The following SFMBT2 variants were observed in gnomAD, a reference collection of about 807,000 sequenced individuals.
SFMBT2 encodes the protein scm-like with four MBT domains protein 2.
Under a neutral mutation model 110.1 loss-of-function variants are expected in SFMBT2, and 38 were observed. The observed-to-expected ratio is 0.35, with a 90% CI of 0.27 to 0.45. The LOEUF is 0.45. Among genes scored for constraint, SFMBT2 ranks in the 20% least tolerant of loss-of-function variants. SFMBT2 has a pLI of 1.00. For missense variants in SFMBT2, 1,011 were observed against 1,094.9 expected, an observed-to-expected ratio of 0.92 and a Z score of 1.08; for synonymous variants, 425 against 425.4, an observed-to-expected ratio of 1.00 and a Z score of 0.01.
chr10:7,322,865 C>T (rs1358723252), intron 4 of SFMBT2, among the ~76,000 whole-genome samples: 2 of 152,174 alleles, frequency 1.3e-5, no homozygotes, highest in South Asian at 4.1e-4. Context: ...TTACTGCATG[C>T]TGCTGGCTAG....
intron 15 of SFMBT2, among the ~76,000 whole-genome samples, chr10:7,191,043 C>T (rs1211112519): frequency 6.6e-6 from 1 of 150,748 alleles, no homozygotes; most frequent in Non-Finnish European, 1.5e-5. Flanking sequence ...CTTTTGCCGT[C>T]TGCCATGATT....
intron 4 of SFMBT2, among the ~76,000 whole-genome samples, chr10:7,342,468 G>A (rs1224519112): frequency 6.9e-6 from 1 of 144,720 alleles, no homozygotes; most frequent in Non-Finnish European, 1.5e-5. Context: ...GAGTGCAGTG[G>A]TGCAATCTCG....
chr10:7,204,276 T>C, intron 12 of SFMBT2: 1 of 904,376 alleles, frequency 1.1e-6, no homozygotes. Context: ...GCCCTGAAAC[T>C]CTGTCGCCAT....
rs993317640 is a variant in SFMBT2 at position 7,170,873 on chromosome 10, T to C, written c.2544+55A>G. ...GAAGCCGGCTAGGACACGAGGTTCA[T>C]TTCAGATGCAGAGTCTCAGCACATC... On this transcript the variant is annotated intron_variant, in intron 20 of 20. Transcript: ENST00000397167. The surrounding 1 kb of genome is among the most constrained non-coding windows in gnomAD (Gnocchi z 4.6). 5 of 1,610,442 alleles carry C rather than the reference T, an allele frequency of 3.1e-6. No individual in the cohort carries two copies. The African/African-American group carries it at 4.0e-5, about 13-fold the overall frequency.
chr10:7,213,360 G>A (rs538673760), intron 11 of SFMBT2, among the ~76,000 whole-genome samples: 18 of 152,316 alleles, frequency 1.2e-4, no homozygotes, highest in African/African-American at 4.1e-4. Context: ...GAGACAGCAG[G>A]TAGGAGGCGG....
At chr10:7,212,436 A>C (rs186594428) in intron 11 of SFMBT2, among the ~76,000 whole-genome samples, 422 of 152,344 alleles carry the variant, frequency 2.8e-3, no homozygotes, top group Admixed American at 5.2e-3. Flanking sequence ...AGAGGAACAG[A>C]GCCCTGTGGG....
At chr10:7,394,508 C>G (rs1161497684) in intron 1 of SFMBT2, among the ~76,000 whole-genome samples, 5 of 150,770 alleles carry the variant, frequency 3.3e-5, no homozygotes, top group Admixed American at 1.3e-4. Flanking sequence ...CACATGACCC[C>G]CACCCCCCAA....
chr10:7,206,956 T>C (rs776713920), intron 11 of SFMBT2: 442 of 985,110 alleles, frequency 4.5e-4, no homozygotes, highest in Non-Finnish European at 5.0e-4. Context: ...CCGGGTGTGG[T>C]GGCTCATGAC....
chr10:7,351,996 A>G (rs1267874332), intron 4 of SFMBT2, among the ~76,000 whole-genome samples: 2 of 152,106 alleles, frequency 1.3e-5, no homozygotes, highest in Non-Finnish European at 2.9e-5. Context: ...AGATGAGGAC[A>G]GTGTGATGCA....
chr10:7,300,788 G>C (rs900165740), intron 4 of SFMBT2, among the ~76,000 whole-genome samples: 1 of 152,184 alleles, frequency 6.6e-6, no homozygotes, highest in Non-Finnish European at 1.5e-5. Context: ...TTTATATTTA[G>C]TGAGTTAGAG....
chr10:7,200,974 A>C, intron 13 of SFMBT2: 1 of 384,170 alleles, frequency 2.6e-6, no homozygotes, highest in Non-Finnish European at 3.6e-6. Context: ...ATAAACTGGC[A>C]TATCTTAAAA....
intron 10 of SFMBT2, 68 bp from the exon 11 acceptor site, chr10:7,220,605 A>C: frequency 6.4e-7 from 1 of 1,559,164 alleles, no homozygotes. Flanking sequence ...GCAGATGAAG[A>C]AAGAGAAAGA....
chr10:7,163,123 C>CAACA lies in SFMBT2; in HGVS notation c.*643_*646dup, dbSNP rs59930811. 5,763 of 160,556 alleles carry CAACA rather than the reference C, an allele frequency of 0.036. 224 individuals carry two copies. Among genetic ancestry groups the CAACA allele is most frequent in the African/African-American group, 0.1 (4,146 of 41,080 alleles). 9.9% of individuals were successfully genotyped at this position (160,556 alleles called of 1,614,324 possible). On this transcript the variant is annotated 3_prime_UTR_variant, in exon 21 of 21. Coordinates refer to ENST00000397167, the MANE Select transcript of SFMBT2 (RefSeq NM_001387889.1). This position sits in a 1 kb window ranked among gnomAD's most constrained non-coding sequence, Gnocchi z 4.8. ...GTCTCAAAAAACACAACAAAATGAA[C>CAACA]AACAAACAAACAAACAAACAAACAA... is the stretch of plus-strand genomic sequence containing the variant.
Position 7,243,584 on chromosome 10 carries a change from T to G in SFMBT2, c.1094A>C (p.Asn365Thr). ...GILPVQWCLK[N>T]GVSLTPPKGY... Reference sequence around the variant, plus strand: ...TTTGGGAGGAGTGAGGCTGACTCCATTTTTAAGGCACCACTGTACTGGCAA... The same window carrying G: ...TTTGGGAGGAGTGAGGCTGACTCCAGTTTTAAGGCACCACTGTACTGGCAA... The change falls in exon 9 of 21, where the codon AAT (asparagine) becomes ACT (threonine). Residue 365 changes from asparagine to threonine, a missense_variant. By Grantham distance (65) the Asn-to-Thr change is moderately conservative. Around this residue, in one of 2 missense-constraint regions of SFMBT2, gnomAD observed 979 missense variants for 1,016.1 expected, o/e 0.96. Coordinates refer to ENST00000397167, the MANE Select transcript of SFMBT2 (RefSeq NM_001387889.1). The G allele has an allele frequency of 1.1e-6, 1 of 872,874 alleles. No homozygotes were observed. The highest frequency in any genetic ancestry group is 2.2e-4 in the Middle Eastern group (1 of 4,610). 54.1% of individuals were successfully genotyped at this position (872,874 alleles called of 1,614,324 possible).
Position 7,184,467 on chromosome 10 carries a change from C to A in SFMBT2, c.1808+4157G>T, listed in dbSNP as rs181110346. Among the ~76,000 whole-genome samples, 148 of 152,310 alleles carry A rather than the reference C, an allele frequency of 9.7e-4. 1 individual carries two copies. The highest frequency in any genetic ancestry group is 3.4e-3 in the African/African-American group (140 of 41,564). On this transcript the variant is annotated intron_variant, in intron 16 of 20. Transcript: ENST00000397167. ...ATGAGGCCTCCCCAGCCACGTGGAACTGTGAGTCCATTTAACCTTTTTTTC... is the reference window on the plus strand; with the variant it reads ...ATGAGGCCTCCCCAGCCACGTGGAAATGTGAGTCCATTTAACCTTTTTTTC...
chr10:7,175,929 C>A, intron 17 of SFMBT2, 61 bp downstream of exon 17: 1 of 1,483,464 alleles, frequency 6.7e-7, no homozygotes, highest in Non-Finnish European at 9.2e-7. Flanking sequence ...AAACCAAATA[C>A]CTTAGAGTGC....
rs373771287 is a variant in SFMBT2 at position 7,171,881 on chromosome 10, C to T, written c.2415+14G>A. On this transcript the variant is annotated intron_variant, in intron 19 of 20. Transcript: ENST00000397167. The surrounding 1 kb of genome is among the most constrained non-coding windows in gnomAD (Gnocchi z 4.9). ...CCCAGCGGGAAGCCCTCTGTCCCCACGCCCGGGCATCACCTCTGTCCCCTC... is the reference window on the plus strand; with the variant it reads ...CCCAGCGGGAAGCCCTCTGTCCCCATGCCCGGGCATCACCTCTGTCCCCTC... 77 of 1,411,030 alleles carry T rather than the reference C, an allele frequency of 5.5e-5. No individual in the cohort carries two copies. The highest frequency in any genetic ancestry group is 6.8e-5 in the Non-Finnish European group (74 of 1,085,590). The allele number at this position is 1,411,030 out of a possible 1,614,324, so 87.4% of individuals were successfully genotyped here.
At chr10:7,193,734 TA>T (rs1242962390) in intron 15 of SFMBT2, among the ~76,000 whole-genome samples, 4 of 152,178 alleles carry the variant, frequency 2.6e-5, no homozygotes. Flanking sequence ...ACACTGTCTA[TA>T]AAGTGAGGAC....
At chr10:7,334,004 T>C (rs1014044647) in intron 4 of SFMBT2, among the ~76,000 whole-genome samples, 3 of 152,192 alleles carry the variant, frequency 2.0e-5, no homozygotes, top group Non-Finnish European at 2.9e-5. Context: ...AAACTTCATA[T>C]TTCAAACGTA....
Sources: gnomAD v4.1 joint callset for allele counts (sites outside exome capture counted in the v4.1 genomes callset) on GRCh38, gnomAD v4.1.1 for gene constraint, gnomAD v4.1.1 regional missense constraint, Gnocchi (gnomAD v3.1) non-coding constraint, MANE v1.5 for transcripts, NCBI Gene and HGNC (gene_info 2026-07-23, HGNC 2026-07-21) for gene names.